Variants in LYN observed in about 807,000 individuals in gnomAD.
LYN encodes LYN proto-oncogene, Src family tyrosine kinase.
In LYN, 12 loss-of-function variants were observed where a neutral mutation model predicts 65.0. The observed-to-expected ratio is 0.18, with a 90% CI of 0.12 to 0.30. The LOEUF (loss-of-function observed/expected upper bound fraction) is 0.30. LYN is among the 10% of genes least tolerant of loss of function. LYN has a pLI of 1.00. For synonymous variants in LYN, 222 were observed against 221.2 expected (o/e 1.00, Z -0.03); for missense variants, 380 against 623.2 (o/e 0.61, Z 4.16).
chr8:55,881,566 C>T (rs1348602121), intron 1 of LYN, among the ~76,000 whole-genome samples: 1 of 152,164 alleles, frequency 6.6e-6, no homozygotes, highest in Non-Finnish European at 1.5e-5. Flanking sequence ...ATCATAGAGT[C>T]TTTGGTGACT....
intron 1 of LYN, among the ~76,000 whole-genome samples, chr8:55,892,116 A>T (rs1194953630): frequency 6.6e-6 from 1 of 152,240 alleles, no homozygotes; most frequent in African/African-American, 2.4e-5. Flanking sequence ...TTCTTACAAG[A>T]CCTTTTAGAA....
chr8:55,961,581 A>G (rs1052716117), intron 8 of LYN, among the ~76,000 whole-genome samples: 1 of 152,148 alleles, frequency 6.6e-6, no homozygotes, highest in Non-Finnish European at 1.5e-5. Flanking sequence ...TTTAAAATAT[A>G]TGCAGCTGCA....
At chr8:55,962,815 A>C (rs1488438004) in intron 8 of LYN, among the ~76,000 whole-genome samples, 3 of 152,238 alleles carry the variant, frequency 2.0e-5, no homozygotes, top group Non-Finnish European at 2.9e-5. Context: ...TTCAGATTTT[A>C]TAAGAAGCAT....
At chr8:55,961,029 A>G (rs971391551) in intron 8 of LYN, among the ~76,000 whole-genome samples, 3 of 152,170 alleles carry the variant, frequency 2.0e-5, no homozygotes, top group African/African-American at 7.2e-5. Flanking sequence ...TTGGTCTATG[A>G]AGAGACCCTG....
intron 1 of LYN, among the ~76,000 whole-genome samples, chr8:55,887,704 G>A (rs1008922807): frequency 1.3e-5 from 2 of 151,068 alleles, no homozygotes; most frequent in Non-Finnish European, 2.9e-5. Context: ...CCACCTCCCG[G>A]GTTCAAGTGA....
At chr8:56,003,928 C>CTTTT (rs1213079280) in intron 12 of LYN, among the ~76,000 whole-genome samples, 39 of 104,690 alleles carry the variant, frequency 3.7e-4, no homozygotes, top group Non-Finnish European at 5.8e-4. Flanking sequence ...ATATTTTATT[C>CTTTT]TTTTTTTTTT....
intron 10 of LYN, among the ~76,000 whole-genome samples, chr8:55,994,602 G>A (rs1177160257): frequency 1.3e-5 from 2 of 152,088 alleles, no homozygotes; most frequent in Non-Finnish European, 2.9e-5. Flanking sequence ...CTGCCATCAT[G>A]CCCACCTGTG....
At chr8:55,933,841 CTG>C (rs1402346856) in intron 1 of LYN, among the ~76,000 whole-genome samples, 1 of 152,164 alleles carries the variant, frequency 6.6e-6, no homozygotes, top group Non-Finnish European at 1.5e-5. Context: ...GTGATTAAAA[CTG>C]TGCCCAGTGC....
chr8:55,917,903 T>C (rs1427275463), intron 1 of LYN, among the ~76,000 whole-genome samples: 1 of 152,234 alleles, frequency 6.6e-6, no homozygotes, highest in African/African-American at 2.4e-5. Context: ...TAATTTAAAC[T>C]TAATGACATG....
chr8:55,888,489 A>G (rs1324692961), intron 1 of LYN, among the ~76,000 whole-genome samples: 1 of 152,216 alleles, frequency 6.6e-6, no homozygotes, highest in Non-Finnish European at 1.5e-5. Flanking sequence ...ACAATATGGC[A>G]TTTATGACAT....
intron 8 of LYN, among the ~76,000 whole-genome samples, chr8:55,956,179 A>G (rs1157747476): frequency 1.3e-5 from 2 of 152,180 alleles, no homozygotes; most frequent in Non-Finnish European, 2.9e-5. Context: ...CCAAATCTAC[A>G]GAATGGGGCA....
intron 1 of LYN, among the ~76,000 whole-genome samples, chr8:55,936,512 C>T (rs1443195328): frequency 2.6e-5 from 4 of 152,106 alleles, no homozygotes; most frequent in Non-Finnish European, 5.9e-5. Flanking sequence ...TGGTGGTGGG[C>T]ACCTGTAATC....
chr8:55,970,247 C>T (rs1044155393), intron 10 of LYN, among the ~76,000 whole-genome samples: 1 of 152,238 alleles, frequency 6.6e-6, no homozygotes, highest in Non-Finnish European at 1.5e-5. Flanking sequence ...CCTCTTCTCG[C>T]TCCTTCTTGT....
chr8:55,881,864 C>G (rs1414720455), intron 1 of LYN, among the ~76,000 whole-genome samples: 1 of 152,058 alleles, frequency 6.6e-6, no homozygotes, highest in Non-Finnish European at 1.5e-5. Context: ...AAATGATAGC[C>G]CCAGTGCCTG....
At chr8:55,955,431 T>TA (rs1309937130) in intron 8 of LYN, 11 of 152,210 alleles carry the variant, frequency 7.2e-5, no homozygotes, top group African/African-American at 2.7e-4. Flanking sequence ...ACTCAGCAGA[T>TA]TCATGGGTGT....
intron 1 of LYN, among the ~76,000 whole-genome samples, chr8:55,927,562 C>T (rs1806142656): frequency 6.6e-6 from 1 of 152,072 alleles, no homozygotes; most frequent in South Asian, 2.1e-4. Flanking sequence ...TGGCCAGGTG[C>T]GGTGGTTCAC....
chr8:55,968,000 C>G (rs1245318777), intron 9 of LYN, among the ~76,000 whole-genome samples: 1 of 152,158 alleles, frequency 6.6e-6, no homozygotes, highest in Non-Finnish European at 1.5e-5. Flanking sequence ...ATGAATATTA[C>G]ATTTTCTTAT....
At chr8:56,008,760 G>T (rs1468764085) in intron 12 of LYN, among the ~76,000 whole-genome samples, 1 of 152,270 alleles carries the variant, frequency 6.6e-6, no homozygotes, top group African/African-American at 2.4e-5. Context: ...TGGAGGTCAG[G>T]AATATGCAAA....
At chr8:55,951,913 T>G in intron 6 of LYN, 53 bp from the exon 7 acceptor site, 1 of 1,474,454 alleles carries the variant, frequency 6.8e-7, no homozygotes. Context: ...TGTTGTATAA[T>G]GCAGATCTTA....
Sources: gnomAD v4.1 joint callset for allele counts (sites outside exome capture counted in the v4.1 genomes callset) on GRCh38, gnomAD v4.1.1 for gene constraint, MANE v1.5 for transcripts, NCBI Gene and HGNC (gene_info 2026-07-23, HGNC 2026-07-21) for gene names.